The following OR8D4 variants were observed in gnomAD, a reference collection of about 807,000 sequenced individuals.
The protein encoded by OR8D4 is olfactory receptor family 8 subfamily D member 4.
For synonymous variants in OR8D4, 141 were observed against 134.8 expected (o/e 1.05, Z -0.32); for missense variants, 359 against 372.6 (o/e 0.96, Z 0.30).
In OR8D4 at chr11:123,907,058, C is replaced by T. The variant is rs755635923; in HGVS notation, c.627C>T (p.Ala209=). 1.9e-6 allele frequency: 3 copies of T among 1,614,050 alleles called. No individual in the cohort carries two copies. The highest frequency in any genetic ancestry group is 1.1e-5 in the South Asian group (1 of 91,076). The part of the protein sequence containing the change: ...IFVIGGFNMV[A]TSLTIIISYA... The stretch of plus-strand genomic sequence containing the variant: ...TCATTGGTGGATTTAACATGGTGGC[C>T]ACAAGCCTAACAATCATTATTTCAT... The change falls in exon 2 of 2, where the codon GCC becomes GCT. Residue 209 remains alanine (A), a synonymous_variant. Coordinates refer to ENST00000641687, the MANE Select transcript of OR8D4 (RefSeq NM_001005197.2).
intron 1 of OR8D4, 184 bp from the exon 2 acceptor site, chr11:123,906,233 G>A: frequency 1.9e-6 from 1 of 539,114 alleles, no homozygotes; most frequent in Non-Finnish European, 3.2e-6. Context: ...GTATGGAAAA[G>A]TGTGTTTCTG....
intron 1 of OR8D4, among the ~76,000 whole-genome samples, chr11:123,902,787 A>T (rs1863171068): frequency 6.6e-6 from 1 of 152,034 alleles, no homozygotes; most frequent in South Asian, 2.1e-4. Flanking sequence ...AAAAGATCAC[A>T]TTCTAGACTT....
At chr11:123,903,255 AG>A (rs1863175543) in intron 1 of OR8D4, among the ~76,000 whole-genome samples, 1 of 152,134 alleles carries the variant, frequency 6.6e-6, no homozygotes, top group Admixed American at 6.6e-5. Context: ...TTGAGCATTC[AG>A]GGATTTTGGT....
At chr11:123,903,696 A>T (rs1863178708) in intron 1 of OR8D4, among the ~76,000 whole-genome samples, 1 of 152,150 alleles carries the variant, frequency 6.6e-6, no homozygotes, top group Non-Finnish European at 1.5e-5. Flanking sequence ...ATCATTGCTT[A>T]CTTTTGTGTG....
At chr11:123,903,775 A>T (rs1473640925) in intron 1 of OR8D4, among the ~76,000 whole-genome samples, 2 of 152,214 alleles carry the variant, frequency 1.3e-5, no homozygotes, top group Non-Finnish European at 2.9e-5. Context: ...TGTTGCAATA[A>T]TCTATTTGAC....
chr11:123,903,248 A>G (rs1565568471), intron 1 of OR8D4, among the ~76,000 whole-genome samples: 1 of 152,142 alleles, frequency 6.6e-6, no homozygotes, highest in Non-Finnish European at 1.5e-5. Context: ...CAGGGACTTG[A>G]GCATTCAGGG....
Position 123,908,509 on chromosome 11 carries a change from C to T in OR8D4, c.*1133C>T, listed in dbSNP as rs1256346069. 6.6e-6 allele frequency: 1 copy of T among 152,122 alleles called. No homozygotes were observed. Among genetic ancestry groups the T allele is most frequent in the African/African-American group, 2.4e-5 (1 of 41,428 alleles). The allele number at this position is 152,122 out of a possible 1,614,324, so 9.4% of individuals were successfully genotyped here. Reference sequence around the variant, plus strand: ...ATTCATTTGTTCAGCATATGCTTATCATGGACACCATGTGCCAGGCACTGT... The same window carrying T: ...ATTCATTTGTTCAGCATATGCTTATTATGGACACCATGTGCCAGGCACTGT... On this transcript the variant is annotated 3_prime_UTR_variant, in exon 2 of 2. Coordinates refer to ENST00000641687, the MANE Select transcript of OR8D4 (RefSeq NM_001005197.2).
intron 1 of OR8D4, among the ~76,000 whole-genome samples, chr11:123,905,826 A>G (rs1863194270): frequency 6.6e-6 from 1 of 152,156 alleles, no homozygotes; most frequent in South Asian, 2.1e-4. Context: ...ATGGCCCAGG[A>G]CACACAGCCC....
At chr11:123,904,043 A>G (rs917867495) in intron 1 of OR8D4, among the ~76,000 whole-genome samples, 1 of 152,146 alleles carries the variant, frequency 6.6e-6, no homozygotes, top group African/African-American at 2.4e-5. Context: ...TCAAATGTTA[A>G]TGCACTCACA....
intron 1 of OR8D4, among the ~76,000 whole-genome samples, chr11:123,904,422 A>G (rs1863183604): frequency 6.6e-6 from 1 of 152,206 alleles, no homozygotes; most frequent in African/African-American, 2.4e-5. Flanking sequence ...AACATGCTTT[A>G]AAAAACCCAT....
rs1451838663 is a variant in OR8D4, at chr11:123,907,266, A to G, written c.835A>G (p.Thr279Ala). ...GGAGAAAGTATCCTCAGTATTTTATACCACTGTGATTCTCATGTTGAATCC... is the reference window on the plus strand; with the variant it reads ...GGAGAAAGTATCCTCAGTATTTTATGCCACTGTGATTCTCATGTTGAATCC... ...TQEKVSSVFYTTVILMLNPLI... is the reference protein window; with the variant it reads ...TQEKVSSVFYATVILMLNPLI... Residue 279 changes from threonine (T) to alanine (A), a missense_variant, in exon 2 of 2, where the codon ACC becomes GCC. Physicochemically the swap from Thr to Ala is moderately conservative, Grantham distance 58. Transcript: ENST00000641687. 6.2e-7 allele frequency: 1 copy of G among 1,609,544 alleles called. No individual in the cohort carries two copies. The highest frequency in any genetic ancestry group is 1.3e-5 in the African/African-American group (1 of 74,948).
At chr11:123,905,337 TA>T (rs1318614247) in intron 1 of OR8D4, among the ~76,000 whole-genome samples, 1 of 152,234 alleles carries the variant, frequency 6.6e-6, no homozygotes, top group Non-Finnish European at 1.5e-5. Flanking sequence ...GCTTGTGCTA[TA>T]AAATGTTTTT....
At chr11:123,905,657 A>G (rs1038833728) in intron 1 of OR8D4, among the ~76,000 whole-genome samples, 7 of 150,968 alleles carry the variant, frequency 4.6e-5, no homozygotes, top group African/African-American at 1.7e-4. Flanking sequence ...TGTCACTAGC[A>G]AAAGTATTCT....
rs756355122 is a variant in OR8D4 at position 123,906,428 on chromosome 11, A to G, written c.-4A>G. 6.4e-7 allele frequency: 1 copy of G among 1,572,440 alleles called. No individual in the cohort carries two copies. Among genetic ancestry groups the G allele is most frequent in the Non-Finnish European group, 8.7e-7 (1 of 1,154,504 alleles). ...TCTCATCTCCACAGATTTCTCAGAG[A>G]AGAATGGGTGTAAAAAACCATTCCA... On this transcript the variant is annotated 5_prime_UTR_variant, in exon 2 of 2. Transcript: ENST00000641687.
In OR8D4 at chr11:123,906,457, T is replaced by G. The variant is rs369105949; in HGVS notation, c.26T>G (p.Val9Gly). ...ATGGGTGTAAAAAACCATTCCACAG[T>G]GACTGAGTTTCTTCTTTCAGGATTA... The part of the protein sequence containing the change: MGVKNHST[V>G]TEFLLSGLTE... The change falls in exon 2 of 2, where the codon GTG becomes GGG. Residue 9 changes from valine to glycine, a missense_variant. Physicochemically the swap from Val to Gly is moderately radical, Grantham distance 109 (BLOSUM62 -3). Transcript: ENST00000641687. 6.2e-7 allele frequency: 1 copy of G among 1,609,134 alleles called. No individual in the cohort carries two copies. The highest frequency in any genetic ancestry group is 8.5e-7 in the Non-Finnish European group (1 of 1,177,596).
chr11:123,907,425 T>A lies in OR8D4; in HGVS notation c.*49T>A. On this transcript the variant is annotated 3_prime_UTR_variant, in exon 2 of 2. Coordinates refer to ENST00000641687, the MANE Select transcript of OR8D4 (RefSeq NM_001005197.2). Reference sequence around the variant, plus strand: ...TTCTGTATTCATAATCATGATTATATGTATATATTTATACCTTGACTATTT... The same window carrying A: ...TTCTGTATTCATAATCATGATTATAAGTATATATTTATACCTTGACTATTT... 1 of 792,496 alleles carries A rather than the reference T, an allele frequency of 1.3e-6. No individual in the cohort carries two copies. Among genetic ancestry groups the A allele is most frequent in the African/African-American group, 1.8e-5 (1 of 57,110 alleles). The allele number at this position is 792,496 out of a possible 1,614,324, so 49.1% of individuals were successfully genotyped here. A position where few individuals can be genotyped will look rare whatever the true frequency, so the allele number is the denominator to read the frequency against.
Position 123,908,928 on chromosome 11 carries a change from A to G in OR8D4, c.*1552A>G, listed in dbSNP as rs901077781. 4.6e-5 allele frequency: 7 copies of G among 152,198 alleles called. No homozygotes were observed. Among genetic ancestry groups the G allele is most frequent in the Non-Finnish European group, 7.3e-5 (5 of 68,032 alleles). 9.4% of individuals were successfully genotyped at this position (152,198 alleles called of 1,614,324 possible). Reference sequence around the variant, plus strand: ...TAAGTAGGCAAACTCTAGATCACTTAGGGAGTTTTAATTCTATCCTAAGTA... The same window carrying G: ...TAAGTAGGCAAACTCTAGATCACTTGGGGAGTTTTAATTCTATCCTAAGTA... On this transcript the variant is annotated 3_prime_UTR_variant, in exon 2 of 2. Transcript: ENST00000641687.
chr11:123,907,057 C>T lies in OR8D4; in HGVS notation c.626C>T (p.Ala209Val). ...GTCATTGGTGGATTTAACATGGTGG[C>T]CACAAGCCTAACAATCATTATTTCA... is the stretch of plus-strand genomic sequence containing the variant. ...IFVIGGFNMV[A>V]TSLTIIISYA... The change falls in exon 2 of 2, where the codon GCC becomes GTC. Residue 209 changes from alanine (A) to valine (V), a missense_variant. Transcript: ENST00000641687. The T allele has an allele frequency of 6.2e-7, 1 of 1,614,042 alleles. No individual in the cohort carries two copies. The highest frequency in any genetic ancestry group is 8.5e-7 in the Non-Finnish European group (1 of 1,179,948).
chr11:123,908,874 A>G lies in OR8D4; in HGVS notation c.*1498A>G. On this transcript the variant is annotated 3_prime_UTR_variant, in exon 2 of 2. Transcript: ENST00000641687. ...CAGTATGGCAGACGGTCAGTGAGAG[A>G]GGGAGAAAAGGAACCAAAGGAGGTT... The G allele has an allele frequency of 6.6e-6, 1 of 152,158 alleles. No individual in the cohort carries two copies. The highest frequency in any genetic ancestry group is 1.5e-5 in the Non-Finnish European group (1 of 68,034). The allele number at this position is 152,158 out of a possible 1,614,324, so 9.4% of individuals were successfully genotyped here.
Sources: allele counts gnomAD v4.1 joint callset (sites outside exome capture counted in the v4.1 genomes callset), GRCh38; gene constraint gnomAD v4.1.1; transcripts MANE v1.5; gene names NCBI Gene and HGNC (gene_info 2026-07-23, HGNC 2026-07-21).